Variants in POLA1 observed in about 807,000 individuals in gnomAD.
POLA1 encodes the protein DNA polymerase alpha 1, catalytic subunit.
A neutral mutation model predicts 124.0 loss-of-function variants in POLA1; 15 were observed. That is an observed-to-expected ratio of 0.12 (90% CI 0.08 to 0.19). POLA1 has a LOEUF of 0.19. Ranked by LOEUF, POLA1 falls within the 10% of genes least tolerant of loss-of-function variation. POLA1 has a pLI of 1.00. For missense variants in POLA1, 886 were observed against 1,103.4 expected, an observed-to-expected ratio of 0.80 and a Z score of 2.79; for synonymous variants, 408 against 389.4, an observed-to-expected ratio of 1.05 and a Z score of -0.56.
At chrX:24,958,624 T>C (rs1256931035) in intron 36 of POLA1, among the ~76,000 whole-genome samples, 1 of 112,160 alleles carries the variant, frequency 8.9e-6, no homozygotes, top group Non-Finnish European at 1.9e-5. Context: ...TTGTATGTAT[T>C]AAGAAAAGCA....
chrX:24,812,613 A>G (rs758579426), intron 28 of POLA1, 45 bp from the exon 29 acceptor site: 2 of 764,301 alleles, frequency 2.6e-6, no homozygotes, highest in Non-Finnish European at 4.0e-6. Context: ...TCTTCTCCCT[A>G]TTAGATGTTT....
At chrX:24,747,167 T>C (rs1478658117) in intron 24 of POLA1, among the ~76,000 whole-genome samples, 1 of 110,390 alleles carries the variant, frequency 9.1e-6, no homozygotes, top group Non-Finnish European at 1.9e-5. Flanking sequence ...CCTTTTTTTT[T>C]TTTCTTTTTT....
intron 26 of POLA1, among the ~76,000 whole-genome samples, chrX:24,751,151 T>A (rs1049646628): frequency 9.0e-6 from 1 of 111,136 alleles, no homozygotes; most frequent in Non-Finnish European, 1.9e-5. Context: ...AGTTGACAAT[T>A]TACTCCCTTG....
intron 36 of POLA1, among the ~76,000 whole-genome samples, chrX:24,987,156 C>G (rs1485685664): frequency 8.9e-6 from 1 of 112,174 alleles, no homozygotes; most frequent in Non-Finnish European, 1.9e-5. Flanking sequence ...TGGGGAAGCC[C>G]ATGTGATGAG....
intron 29 of POLA1, among the ~76,000 whole-genome samples, chrX:24,813,658 A>G (rs1601757698): frequency 1.8e-5 from 2 of 111,313 alleles, no homozygotes; most frequent in African/African-American, 6.5e-5. Flanking sequence ...TACTAAAAAT[A>G]CAAGTATTAG....
intron 36 of POLA1, among the ~76,000 whole-genome samples, chrX:24,938,921 G>T (rs956774551): frequency 8.9e-6 from 1 of 112,513 alleles, no homozygotes. Context: ...AGCTAAGTTA[G>T]TATATGAAAG....
At chrX:24,989,554 G>C (rs1045929344) in intron 36 of POLA1, among the ~76,000 whole-genome samples, 3 of 110,720 alleles carry the variant, frequency 2.7e-5, no homozygotes, top group Non-Finnish European at 5.7e-5. Context: ...CATGTAGCTG[G>C]GACCACAGGC....
chrX:24,742,252 G>A (rs112792381), intron 22 of POLA1, 131 bp downstream of exon 22: 3 of 546,239 alleles, frequency 5.5e-6, no homozygotes, highest in Non-Finnish European at 8.3e-6. Flanking sequence ...TAAAGAAACC[G>A]TGTCAAGTTT....
chrX:24,744,962 T>A (rs1436140096), intron 23 of POLA1, among the ~76,000 whole-genome samples: 98 of 76,244 alleles, frequency 1.3e-3, no homozygotes, highest in East Asian at 2.7e-3. Flanking sequence ...AAAAAAAAAA[T>A]AAAAATAAAA....
At chrX:24,856,386 A>G (rs2046645861) in intron 34 of POLA1, among the ~76,000 whole-genome samples, 1 of 112,052 alleles carries the variant, frequency 8.9e-6, no homozygotes, top group Admixed American at 9.5e-5. Flanking sequence ...TGTTTGATCC[A>G]TTTACTCACT....
chrX:24,749,233 G>A (rs896660286), intron 26 of POLA1, among the ~76,000 whole-genome samples: 2 of 108,703 alleles, frequency 1.8e-5, no homozygotes, highest in Non-Finnish European at 3.8e-5. Context: ...TCTCAGGATA[G>A]AGTGTCAAGC....
intron 26 of POLA1, among the ~76,000 whole-genome samples, chrX:24,779,340 G>A (rs1473438468): frequency 8.9e-6 from 1 of 112,356 alleles, no homozygotes; most frequent in East Asian, 2.8e-4. Context: ...GCCTCCTAAA[G>A]TGCTGGGATT....
chrX:24,926,498 G>A (rs187194859), intron 35 of POLA1, among the ~76,000 whole-genome samples: 62 of 111,858 alleles, frequency 5.5e-4, no homozygotes, highest in African/African-American at 1.9e-3. Context: ...ATGCAAGTCA[G>A]CTTTAACACT....
chrX:24,814,898 C>A (rs1177909024), intron 29 of POLA1, 81 bp from the exon 30 acceptor site: 13 of 676,174 alleles, frequency 1.9e-5, no homozygotes, highest in Non-Finnish European at 2.7e-5. Context: ...TGGCATTTCT[C>A]TTCCTTCTTC....
At chrX:24,937,176 G>C (rs1044345753) in intron 36 of POLA1, among the ~76,000 whole-genome samples, 2 of 111,495 alleles carry the variant, frequency 1.8e-5, no homozygotes, top group Admixed American at 9.5e-5. Context: ...GTAGAAATAC[G>C]TAAAGAATTT....
chrX:24,774,462 T>G (rs2045097974), intron 26 of POLA1, among the ~76,000 whole-genome samples: 1 of 112,225 alleles, frequency 8.9e-6, no homozygotes, highest in Admixed American at 9.4e-5. Context: ...ATGCCAGATG[T>G]ACTCTTGTCG....
At chrX:24,860,684 GCTTTT>G (rs2046704607) in intron 34 of POLA1, among the ~76,000 whole-genome samples, 1 of 112,577 alleles carries the variant, frequency 8.9e-6, no homozygotes, top group Admixed American at 9.4e-5. Context: ...AGTTTAGATG[GCTTTT>G]CTTTTTGTCA....
chrX:24,793,804 T>G (rs1050020491), intron 26 of POLA1, among the ~76,000 whole-genome samples: 2 of 108,958 alleles, frequency 1.8e-5, no homozygotes, highest in African/African-American at 6.7e-5. Flanking sequence ...AGGCTGGTGT[T>G]GAACTCCTGA....
Position 24,716,930 on chromosome X carries a change from C to T in POLA1, c.665C>T (p.Pro222Leu). ...KIASPVSRKE[P>L]PLTPVPLKRA... ...GCTTCCCCTGTCTCCAGAAAGGAGC[C>T]TCCATTAACTCCTGTTCCTCTTAAA... is the stretch of plus-strand genomic sequence containing the variant. Residue 222 changes from proline to leucine, a missense_variant, in exon 8 of 37, where the codon CCT becomes CTT. Coordinates refer to ENST00000379068, the MANE Select transcript of POLA1 (RefSeq NM_001330360.2). 8.4e-7 allele frequency: 1 copy of T among 1,195,764 alleles called. No individual in the cohort carries two copies. Among genetic ancestry groups the T allele is most frequent in the Non-Finnish European group, 1.1e-6 (1 of 882,578 alleles).
Sources: gnomAD v4.1 joint callset for allele counts (sites outside exome capture counted in the v4.1 genomes callset) on GRCh38, gnomAD v4.1.1 for gene constraint, MANE v1.5 for transcripts, NCBI Gene and HGNC (gene_info 2026-07-23, HGNC 2026-07-21) for gene names.